Variants in IQGAP1 observed in about 807,000 individuals in gnomAD.
The protein encoded by IQGAP1 is ras GTPase-activating-like protein IQGAP1.
Under a neutral mutation model 215.6 loss-of-function variants are expected in IQGAP1, and 66 were observed. The observed-to-expected ratio is 0.31, with a 90% CI of 0.25 to 0.38. IQGAP1 has a LOEUF of 0.38. Ranked by LOEUF, IQGAP1 falls within the 10% of genes least tolerant of loss-of-function variation. The pLI is 1.00. For synonymous variants in IQGAP1, 772 were observed against 728.7 expected, an observed-to-expected ratio of 1.06 and a Z score of -0.96; for missense variants, 1,712 against 1,997.1, an observed-to-expected ratio of 0.86 and a Z score of 2.72.
chr15:90,448,887 T>C, intron 10 of IQGAP1, 151 bp downstream of exon 10: 1 of 665,334 alleles, frequency 1.5e-6, no homozygotes, highest in Non-Finnish European at 2.2e-6. Flanking sequence ...AATCCTCAGG[T>C]AAAATACACA....
intron 37 of IQGAP1, among the ~76,000 whole-genome samples, chr15:90,499,555 G>C (rs145622451): frequency 2.6e-5 from 4 of 152,068 alleles, no homozygotes; most frequent in African/African-American, 9.7e-5. Context: ...TCATTTCCCC[G>C]TGCTTAGTAT....
At chr15:90,469,711 C>T (rs1349912659) in intron 18 of IQGAP1, among the ~76,000 whole-genome samples, 6 of 151,926 alleles carry the variant, frequency 3.9e-5, no homozygotes, top group Admixed American at 3.9e-4. Context: ...CCTGGAGTAA[C>T]ATAGCGTAGA....
intron 31 of IQGAP1, 44 bp downstream of exon 31, chr15:90,486,176 C>A: frequency 7.2e-7 from 1 of 1,383,738 alleles, no homozygotes; most frequent in Non-Finnish European, 1.0e-6. Flanking sequence ...GGGAATGTGA[C>A]AGAAAAGTGT....
chr15:90,466,024 G>A lies in IQGAP1; in HGVS notation c.1800G>A (p.Val600=). ...AGGAAATCCAGGATGAGTCAGCTGT[G>A]TTATGGTTGGATGAAATTCAAGGTG... ...KAQEIQDESA[V]LWLDEIQGGI... Residue 600 remains valine (V), a synonymous_variant, in exon 16 of 38, where the codon GTG becomes GTA. Transcript: ENST00000268182. 6.2e-7 allele frequency: 1 copy of A among 1,614,112 alleles called. No individual in the cohort carries two copies. Among genetic ancestry groups the A allele is most frequent in the Non-Finnish European group, 8.5e-7 (1 of 1,180,004 alleles).
intron 5 of IQGAP1, among the ~76,000 whole-genome samples, chr15:90,437,550 C>T (rs1421012377): frequency 6.6e-6 from 1 of 151,874 alleles, no homozygotes; most frequent in Non-Finnish European, 1.5e-5. Context: ...TTTGGAATTT[C>T]TTTTTTAAAG....
chr15:90,444,802 C>T (rs1265129535), intron 9 of IQGAP1, among the ~76,000 whole-genome samples: 4 of 152,208 alleles, frequency 2.6e-5, no homozygotes, highest in Admixed American at 6.5e-5. Flanking sequence ...TGTAGAAGCT[C>T]ATTTGCCTAA....
Position 90,448,566 on chromosome 15 carries a change from TC to T in IQGAP1, c.914-5del, listed in dbSNP as rs748643244. 1 of 1,566,728 alleles carries T rather than the reference TC, an allele frequency of 6.4e-7. No individual in the cohort carries two copies. Among genetic ancestry groups the T allele is most frequent in the African/African-American group, 1.4e-5 (1 of 72,538 alleles). Reference sequence around the variant, plus strand: ...TCCTTTCACAAGCTTTTGCCTTTTTTCCTCAGCATTTTCTGCATTAGCAAAT... The same window carrying T: ...TCCTTTCACAAGCTTTTGCCTTTTTTCTCAGCATTTTCTGCATTAGCAAAT... On this transcript the variant is annotated splice_polypyrimidine_tract_variant and splice_region_variant and intron_variant, in intron 9 of 37. Coordinates refer to ENST00000268182, the MANE Select transcript of IQGAP1 (RefSeq NM_003870.4).
intron 2 of IQGAP1, among the ~76,000 whole-genome samples, chr15:90,392,495 G>A (rs1964648877): frequency 6.6e-6 from 1 of 152,114 alleles, no homozygotes; most frequent in African/African-American, 2.4e-5. Flanking sequence ...AGGTGACCTG[G>A]GGGTGAGAGG....
In IQGAP1 at chr15:90,454,677, A is replaced by G. The variant is rs369929772; in HGVS notation, c.1612+125A>G. The G allele has an allele frequency of 1.2e-5, 12 of 1,040,282 alleles. No homozygotes were observed. The South Asian group carries it at 2.1e-4, about 18-fold the overall frequency. 64.4% of individuals were successfully genotyped at this position (1,040,282 alleles called of 1,614,324 possible). A position where few individuals can be genotyped will look rare whatever the true frequency, so the allele number is the denominator to read the frequency against. ...GAGAGATTGAAAATATCTATATAACACAAAAGGCTAAAGTTGGATATTGTT... is the reference window on the plus strand; with the variant it reads ...GAGAGATTGAAAATATCTATATAACGCAAAAGGCTAAAGTTGGATATTGTT... On this transcript the variant is annotated intron_variant, in intron 14 of 37. Coordinates refer to ENST00000268182, the MANE Select transcript of IQGAP1 (RefSeq NM_003870.4).
At chr15:90,459,914 G>T (rs1487406808) in intron 15 of IQGAP1, among the ~76,000 whole-genome samples, 3 of 152,182 alleles carry the variant, frequency 2.0e-5, no homozygotes, top group Non-Finnish European at 4.4e-5. Context: ...CTCATGACTT[G>T]AAGTGTTCCT....
At chr15:90,463,877 T>C (rs1263077802) in intron 15 of IQGAP1, among the ~76,000 whole-genome samples, 1 of 152,208 alleles carries the variant, frequency 6.6e-6, no homozygotes, top group Non-Finnish European at 1.5e-5. Flanking sequence ...ACCTGCACTC[T>C]TTATAAATTG....
Position 90,483,536 on chromosome 15 carries a change from A to T in IQGAP1, c.3731A>T (p.Asp1244Val), listed in dbSNP as rs1234716868. 6.2e-7 allele frequency: 1 copy of T among 1,614,180 alleles called. No individual in the cohort carries two copies. The highest frequency in any genetic ancestry group is 8.5e-7 in the Non-Finnish European group (1 of 1,180,026). The change falls in exon 29 of 38, where the codon GAT becomes GTT. Residue 1244 changes from aspartate (D) to valine (V), a missense_variant. Asp to Val is a radical substitution (Grantham distance 152). This residue lies in a region of IQGAP1 where 691 missense variants were observed against 923.0 expected (regional missense o/e 0.75). Transcript: ENST00000268182. ...GCTTCCAATAAGATGTTTCTGGGAG[A>T]TAATGCCCACTTAAGCATCATTAAT... The part of the protein sequence containing the change: ...HAASNKMFLG[D>V]NAHLSIINEY...
At chr15:90,399,419 T>C (rs2151002656) in intron 2 of IQGAP1, among the ~76,000 whole-genome samples, 1 of 152,338 alleles carries the variant, frequency 6.6e-6, no homozygotes, top group Non-Finnish European at 1.5e-5. Flanking sequence ...TTTTGTTATG[T>C]GCCTGGCTTC....
chr15:90,453,089 AT>A (rs774053338), intron 12 of IQGAP1, 42 bp from the exon 13 acceptor site: 33 of 1,572,474 alleles, frequency 2.1e-5, no homozygotes, highest in Middle Eastern at 1.7e-4. Context: ...GTCTTGGAGA[AT>A]GTCTTTCCTC....
intron 7 of IQGAP1, 64 bp from the exon 8 acceptor site, chr15:90,441,442 T>C (rs1415096546): frequency 2.1e-6 from 3 of 1,403,200 alleles, no homozygotes; most frequent in East Asian, 2.3e-5. Context: ...TGTTGTGATA[T>C]ACATCCTGTA....
rs1217943813 is a variant in IQGAP1 at position 90,476,801 on chromosome 15, C to A, written c.2923C>A (p.Leu975Met). ...AGAGAAGTTGGAAGCTTACCAGCACCTGTTTTATTTATTGCAAGTAAGTGG... is the reference window on the plus strand; with the variant it reads ...AGAGAAGTTGGAAGCTTACCAGCACATGTTTTATTTATTGCAAGTAAGTGG... ...KREKLEAYQH[L>M]FYLLQTNPTY... Residue 975 changes from leucine (L) to methionine (M), a missense_variant, in exon 24 of 38, where the codon CTG (leucine) becomes ATG (methionine). By Grantham distance (15) the Leu-to-Met change is conservative. Coordinates refer to ENST00000268182, the MANE Select transcript of IQGAP1 (RefSeq NM_003870.4). 1 of 1,591,408 alleles carries A rather than the reference C, an allele frequency of 6.3e-7. No individual in the cohort carries two copies.
In IQGAP1 at chr15:90,472,977, G is replaced by C; in HGVS notation, c.2316G>C (p.Leu772=). The part of the protein sequence containing the change: ...RQEFRSRMNF[L]KKQIPAITCI... ...AATTCCGATCCAGGATGAATTTCCT[G>C]AAGAAACAAATCCCTGCCATCACCT... Residue 772 remains leucine, a synonymous_variant, in exon 19 of 38, where the codon CTG becomes CTC. Coordinates refer to ENST00000268182, the MANE Select transcript of IQGAP1 (RefSeq NM_003870.4). 6.2e-7 allele frequency: 1 copy of C among 1,614,034 alleles called. No homozygotes were observed. The highest frequency in any genetic ancestry group is 1.7e-5 in the Admixed American group (1 of 60,002).
At chr15:90,480,483 A>G (rs1198578184) in intron 26 of IQGAP1, among the ~76,000 whole-genome samples, 3 of 152,174 alleles carry the variant, frequency 2.0e-5, no homozygotes, top group Non-Finnish European at 4.4e-5. Flanking sequence ...GCTGGTTACT[A>G]CTTTTAAAAC....
intron 2 of IQGAP1, among the ~76,000 whole-genome samples, chr15:90,417,753 G>A (rs1965073781): frequency 6.6e-6 from 1 of 152,208 alleles, no homozygotes; most frequent in Admixed American, 6.5e-5. Flanking sequence ...TGTGAAGAAA[G>A]TCATTGGTAG....
Sources: allele counts gnomAD v4.1 joint callset (sites outside exome capture counted in the v4.1 genomes callset), GRCh38; gene constraint gnomAD v4.1.1; regional missense constraint gnomAD v4.1.1; transcripts MANE v1.5; gene names NCBI Gene and HGNC (gene_info 2026-07-23, HGNC 2026-07-21).